Variants in BANK1 observed in about 807,000 individuals in gnomAD.
BANK1 encodes the protein B-cell scaffold protein with ankyrin repeats.
A neutral mutation model predicts 94.5 loss-of-function variants in BANK1; 95 were observed. The observed-to-expected ratio is 1.00, with a 90% CI of 0.85 to 1.19. The LOEUF (loss-of-function observed/expected upper bound fraction) is 1.19, where lower values mean the gene tolerates loss of function less well. BANK1 is among the 50% of genes most tolerant of loss of function. The pLI is 0.00. For missense variants in BANK1, 987 were observed against 932.2 expected (o/e 1.06, Z -0.77); for synonymous variants, 334 against 308.4 (o/e 1.08, Z -0.87).
chr4:101,834,600 A>G (rs1268839656), intron 2 of BANK1, among the ~76,000 whole-genome samples: 1 of 152,064 alleles, frequency 6.6e-6, no homozygotes, highest in Non-Finnish European at 1.5e-5. Context: ...GTTGCCAATC[A>G]TGTTGAAGAC....
chr4:101,969,235 T>A (rs927491304), intron 7 of BANK1, among the ~76,000 whole-genome samples: 1 of 152,036 alleles, frequency 6.6e-6, no homozygotes, highest in Non-Finnish European at 1.5e-5. Flanking sequence ...AAAGCAAAGA[T>A]CTTTTTTTTA....
At chr4:102,013,764 T>C (rs1190049929) in intron 7 of BANK1, among the ~76,000 whole-genome samples, 2 of 152,034 alleles carry the variant, frequency 1.3e-5, no homozygotes, top group Non-Finnish European at 2.9e-5. Flanking sequence ...TTTGAACACA[T>C]CTGATCTTCA....
chr4:101,847,250 G>A (rs1727284133), intron 2 of BANK1, among the ~76,000 whole-genome samples: 1 of 151,338 alleles, frequency 6.6e-6, no homozygotes, highest in Non-Finnish European at 1.5e-5. Flanking sequence ...TATATAGTGA[G>A]TTAATATATG....
In BANK1 at chr4:101,978,735, G is replaced by A. The variant is rs190098334; in HGVS notation, c.1207-42779G>A. 2.6e-3 allele frequency among the ~76,000 whole-genome samples: 388 copies of A among 151,926 alleles called. 1 individual carries two copies. Among genetic ancestry groups the A allele is most frequent in the African/African-American group, 9.2e-3 (383 of 41,480 alleles). On this transcript the variant is annotated intron_variant, in intron 7 of 16. Transcript: ENST00000322953. ...CTTGACCACAATAATAGTTTTGATT[G>A]ATTTTCTTATTTAATGCCACAGATT... is the stretch of plus-strand genomic sequence containing the variant.
chr4:101,974,444 A>G (rs1725057374), intron 7 of BANK1, among the ~76,000 whole-genome samples: 1 of 152,154 alleles, frequency 6.6e-6, no homozygotes, highest in Non-Finnish European at 1.5e-5. Context: ...CAGTTTAATC[A>G]CTAGAGCAGT....
intron 2 of BANK1, among the ~76,000 whole-genome samples, chr4:101,844,168 T>C (rs1045755382): frequency 6.6e-6 from 1 of 152,054 alleles, no homozygotes; most frequent in African/African-American, 2.4e-5. Context: ...GACAGGAAAG[T>C]AAATAATATG....
At chr4:101,932,282 C>T (rs1723378711) in intron 7 of BANK1, among the ~76,000 whole-genome samples, 1 of 151,424 alleles carries the variant, frequency 6.6e-6, no homozygotes, top group South Asian at 2.1e-4. Context: ...TTTCCTTATC[C>T]CTTTGGCAAG....
At chr4:101,899,531 A>T (rs1463879769) in intron 6 of BANK1, among the ~76,000 whole-genome samples, 2 of 151,952 alleles carry the variant, frequency 1.3e-5, no homozygotes, top group Non-Finnish European at 1.5e-5. Flanking sequence ...AATCTTCCAA[A>T]TTTTTTTTAC....
chr4:102,043,513 T>G (rs187403568), intron 10 of BANK1, among the ~76,000 whole-genome samples: 97 of 152,186 alleles, frequency 6.4e-4, no homozygotes, highest in African/African-American at 2.1e-3. Flanking sequence ...TTTCATATGA[T>G]TTTAACATTT....
In BANK1 at chr4:101,831,206, G is replaced by A. The variant is rs77211390; in HGVS notation, c.469+1000G>A. Among the ~76,000 whole-genome samples the A allele has an allele frequency of 8.1e-3, 1,227 of 151,962 alleles. 22 individuals carry two copies. Among genetic ancestry groups the A allele is most frequent in the African/African-American group, 0.028 (1,172 of 41,408 alleles). On this transcript the variant is annotated intron_variant, in intron 2 of 16. Coordinates refer to ENST00000322953, the MANE Select transcript of BANK1 (RefSeq NM_017935.5). ...TTTATCTTTTTCCGGACAAACTCTGGGCATACAAGCCATTCCCAGAGTAGC... is the reference window on the plus strand; with the variant it reads ...TTTATCTTTTTCCGGACAAACTCTGAGCATACAAGCCATTCCCAGAGTAGC...
At chr4:101,821,538 G>C (rs1164036854) in intron 1 of BANK1, among the ~76,000 whole-genome samples, 1 of 152,104 alleles carries the variant, frequency 6.6e-6, no homozygotes, top group East Asian at 1.9e-4. Flanking sequence ...TCTATGTCTA[G>C]GATGGTATTG....
At chr4:102,059,768 G>T (rs990569394) in intron 11 of BANK1, among the ~76,000 whole-genome samples, 2 of 152,158 alleles carry the variant, frequency 1.3e-5, no homozygotes, top group African/African-American at 4.8e-5. Flanking sequence ...TTGGATGTTG[G>T]TTAACGTCTC....
intron 6 of BANK1, among the ~76,000 whole-genome samples, chr4:101,896,040 C>T (rs557000397): frequency 8.6e-5 from 13 of 151,998 alleles, no homozygotes; most frequent in African/African-American, 3.1e-4. Flanking sequence ...TCAAATATTA[C>T]ATCTTGTTTC....
At chr4:101,952,204 A>AATGTCATTT (rs1406740014) in intron 7 of BANK1, among the ~76,000 whole-genome samples, 1 of 152,174 alleles carries the variant, frequency 6.6e-6, no homozygotes, top group Admixed American at 6.6e-5. Context: ...GTCCTTGAAT[A>AATGTCATTT]ATGTCATTTT....
intron 2 of BANK1, among the ~76,000 whole-genome samples, chr4:101,847,914 C>G (rs1727317161): frequency 6.6e-6 from 1 of 152,132 alleles, no homozygotes; most frequent in Admixed American, 6.5e-5. Context: ...CAAAGTTCAG[C>G]TAGAGAATTC....
intron 7 of BANK1, among the ~76,000 whole-genome samples, chr4:102,016,348 T>G (rs1726698144): frequency 6.6e-6 from 1 of 152,174 alleles, no homozygotes; most frequent in African/African-American, 2.4e-5. Flanking sequence ...CCTGGTATAG[T>G]GTTTTGTGCA....
chr4:101,930,365 A>C (rs542028142), intron 7 of BANK1, among the ~76,000 whole-genome samples: 1 of 151,572 alleles, frequency 6.6e-6, no homozygotes, highest in East Asian at 2.0e-4. Flanking sequence ...ATTATTGGGC[A>C]TGTACTATTC....
intron 7 of BANK1, among the ~76,000 whole-genome samples, chr4:101,984,663 C>T (rs1725425949): frequency 6.6e-6 from 1 of 152,072 alleles, no homozygotes; most frequent in Non-Finnish European, 1.5e-5. Context: ...TAAGAACAAA[C>T]TTGCTGATTA....
At chr4:101,896,572 A>C (rs531074876) in intron 6 of BANK1, among the ~76,000 whole-genome samples, 156 of 152,076 alleles carry the variant, frequency 1.0e-3, no homozygotes, top group African/African-American at 3.7e-3. Context: ...AATTAGCGAC[A>C]TTTTATTTTT....
Sources: gnomAD v4.1 joint callset for allele counts (sites outside exome capture counted in the v4.1 genomes callset) on GRCh38, gnomAD v4.1.1 for gene constraint, MANE v1.5 for transcripts, NCBI Gene and HGNC (gene_info 2026-07-23, HGNC 2026-07-21) for gene names.